The following WDFY3 variants were observed in gnomAD, a reference collection of about 807,000 sequenced individuals.
WDFY3 encodes the protein WD repeat and FYVE domain containing 3, also known as WD repeat and FYVE domain-containing protein 3.
A neutral mutation model predicts 409.6 loss-of-function variants in WDFY3; 66 were observed. The observed-to-expected ratio is 0.16, with a 90% CI of 0.13 to 0.20. The LOEUF is 0.20. Ranked by LOEUF, WDFY3 falls within the 10% of genes least tolerant of loss-of-function variation. WDFY3 has a pLI of 1.00. For synonymous variants in WDFY3, 1,521 were observed against 1,537.1 expected, an observed-to-expected ratio of 0.99 and a Z score of 0.25; for missense variants, 3,031 against 4,298.1, an observed-to-expected ratio of 0.71 and a Z score of 8.24.
chr4:84,732,851 A>G (rs2149167624), intron 44 of WDFY3, among the ~76,000 whole-genome samples: 1 of 152,310 alleles, frequency 6.6e-6, no homozygotes, highest in South Asian at 2.1e-4. Flanking sequence ...AGTACAAGAT[A>G]AATGGAGCCA....
chr4:84,880,690 T>TATAC (rs1560991086), intron 3 of WDFY3, among the ~76,000 whole-genome samples: 1 of 42,702 alleles, frequency 2.3e-5, no homozygotes, highest in Non-Finnish European at 5.2e-5. Flanking sequence ...TATATATATA[T>TATAC]ATATATATAT....
In WDFY3 at chr4:84,751,059, G is replaced by A. The variant is rs372281985; in HGVS notation, c.5973+424C>T. Among the ~76,000 whole-genome samples, 3 of 152,314 alleles carry A rather than the reference G, an allele frequency of 2.0e-5. No individual in the cohort carries two copies. The South Asian group carries it at 6.2e-4, about 32-fold the overall frequency. ...AGGGGTTGGCACACTATGGCCTGTGGGCCAAATCCAGCCTGTGCTGTTTCT... is the reference window on the plus strand; with the variant it reads ...AGGGGTTGGCACACTATGGCCTGTGAGCCAAATCCAGCCTGTGCTGTTTCT... On this transcript the variant is annotated intron_variant, in intron 36 of 67. Coordinates refer to ENST00000295888, the MANE Select transcript of WDFY3 (RefSeq NM_014991.6).
At position 84,753,826 on chromosome 4, in the gene WDFY3, G is replaced by T. The variant is rs1390531499; in HGVS notation, c.5610C>A (p.Thr1870=). The change falls in exon 35 of 68, where the codon ACC becomes ACA. Residue 1870 remains threonine (T), a synonymous_variant. Transcript: ENST00000295888. ...ACAAATATCTGAAGAACTGCATCAGGGTCACAGGATATTCTCGGAGCCAAG... is the reference window on the plus strand; with the variant it reads ...ACAAATATCTGAAGAACTGCATCAGTGTCACAGGATATTCTCGGAGCCAAG... ...EGSWLREYPV[T]LMQFFRYLYH... 17 of 1,609,058 alleles carry T rather than the reference G, an allele frequency of 1.1e-5. No homozygotes were observed. The highest frequency in any genetic ancestry group is 1.4e-5 in the Non-Finnish European group (17 of 1,178,126).
Position 84,803,475 on chromosome 4 carries a change from AAAAG to A in WDFY3, c.2430-12_2430-9del. 2 of 1,598,652 alleles carry A rather than the reference AAAAG, an allele frequency of 1.3e-6. No individual in the cohort carries two copies. Among genetic ancestry groups the A allele is most frequent in the South Asian group, 1.1e-5 (1 of 88,330 alleles). On this transcript the variant is annotated splice_polypyrimidine_tract_variant and intron_variant, in intron 15 of 67. Coordinates refer to ENST00000295888, the MANE Select transcript of WDFY3 (RefSeq NM_014991.6). The stretch of plus-strand genomic sequence containing the variant: ...ACAGAATGATATGCATGCCTATAAA[AAAAG>A]AAAGAGTAAATTTGGTATTGAATTC...
chr4:84,891,254 A>G (rs748874751), intron 3 of WDFY3, among the ~76,000 whole-genome samples: 11 of 152,196 alleles, frequency 7.2e-5, no homozygotes, highest in Non-Finnish European at 1.5e-4. Context: ...GTAAGCCACT[A>G]ATGCCATGTA....
chr4:84,940,818 A>G (rs1772017394), intron 1 of WDFY3, among the ~76,000 whole-genome samples: 1 of 152,084 alleles, frequency 6.6e-6, no homozygotes, highest in South Asian at 2.1e-4. Context: ...TAAAAGGGGT[A>G]TTACATCATG....
chr4:84,731,318 C>T (rs1736570678), intron 44 of WDFY3, among the ~76,000 whole-genome samples: 2 of 152,126 alleles, frequency 1.3e-5, no homozygotes, highest in Admixed American at 6.6e-5. Context: ...TGCCGGAATG[C>T]ACATTCCAAA....
chr4:84,904,539 T>C (rs1173395472), intron 2 of WDFY3, among the ~76,000 whole-genome samples: 2 of 152,150 alleles, frequency 1.3e-5, no homozygotes, highest in Admixed American at 1.3e-4. Context: ...TGCCAAAAAT[T>C]TTTAAAAATA....
chr4:84,753,985 G>T, intron 34 of WDFY3, 109 bp from the exon 35 acceptor site: 1 of 1,210,038 alleles, frequency 8.3e-7, no homozygotes, highest in Non-Finnish European at 1.1e-6. Context: ...TATATTGATG[G>T]TCCAGAACTC....
intron 2 of WDFY3, among the ~76,000 whole-genome samples, chr4:84,906,458 G>A (rs955498865): frequency 6.6e-6 from 1 of 152,042 alleles, no homozygotes; most frequent in East Asian, 1.9e-4. Flanking sequence ...ATGTTTATAT[G>A]CAAAATGACT....
At chr4:84,780,400 T>TA in intron 25 of WDFY3, 102 bp from the exon 26 acceptor site, 1 of 1,161,074 alleles carries the variant, frequency 8.6e-7, no homozygotes, top group South Asian at 1.9e-5. Context: ...TGTTTTATTT[T>TA]AAAAATATCT....
At chr4:84,923,249 A>G (rs748671696) in intron 2 of WDFY3, among the ~76,000 whole-genome samples, 1 of 152,226 alleles carries the variant, frequency 6.6e-6, no homozygotes, top group Non-Finnish European at 1.5e-5. Context: ...TGCCCTTCCT[A>G]TACTACAAAG....
intron 44 of WDFY3, among the ~76,000 whole-genome samples, chr4:84,728,249 C>A (rs1735989830): frequency 6.6e-6 from 1 of 152,056 alleles, no homozygotes; most frequent in Admixed American, 6.6e-5. Context: ...CAAGATAGGA[C>A]CAGGAGCGGT....
In WDFY3 at chr4:84,809,889, G is replaced by C. The variant is rs1752201405; in HGVS notation, c.2343C>G (p.Asp781Glu). The C allele has an allele frequency of 6.2e-7, 1 of 1,613,638 alleles. No individual in the cohort carries two copies. The highest frequency in any genetic ancestry group is 8.5e-7 in the Non-Finnish European group (1 of 1,179,728). Residue 781 changes from aspartate to glutamate, a missense_variant and splice_region_variant, in exon 14 of 68, where the codon GAC becomes GAG. By Grantham distance (45) the Asp-to-Glu change is conservative (BLOSUM62 2). Transcript: ENST00000295888. ...CAGAGGACAGAGCAGAGCCATACCT[G>C]TCAAAAGAATCTGTGGCTACTTTGT... ...YLYKVATDSF[D>E]SRAEQIPPCL...
At chr4:84,778,850 G>A (rs1746017616) in intron 26 of WDFY3, among the ~76,000 whole-genome samples, 195 bp from the exon 27 acceptor site, 1 of 151,754 alleles carries the variant, frequency 6.6e-6, no homozygotes, top group African/African-American at 2.4e-5. Flanking sequence ...TATAACATTA[G>A]GTAAAATCTG....
chr4:84,733,120 T>C (rs947040088), intron 44 of WDFY3, among the ~76,000 whole-genome samples: 17 of 152,280 alleles, frequency 1.1e-4, no homozygotes, highest in African/African-American at 3.8e-4. Flanking sequence ...CCAGCTATAA[T>C]AGCAAAGTGG....
chr4:84,914,315 A>T (rs912807718), intron 2 of WDFY3, among the ~76,000 whole-genome samples: 4 of 152,060 alleles, frequency 2.6e-5, no homozygotes, highest in Admixed American at 6.5e-5. Context: ...CAGCTACTCA[A>T]GAAGCTGAGG....
chr4:84,709,071 C>T (rs944964212), intron 52 of WDFY3, 43 bp from the exon 53 acceptor site: 5 of 1,606,378 alleles, frequency 3.1e-6, no homozygotes, highest in Admixed American at 3.4e-5. Context: ...TCGATTATTT[C>T]CACTATGTTC....
At chr4:84,789,415 T>C (rs1010320739) in intron 22 of WDFY3, among the ~76,000 whole-genome samples, 3 of 152,208 alleles carry the variant, frequency 2.0e-5, no homozygotes, top group African/African-American at 7.2e-5. Flanking sequence ...CCGTTATTTA[T>C]GAATCCTTCA....
Sources: gnomAD v4.1 joint callset for allele counts (sites outside exome capture counted in the v4.1 genomes callset) on GRCh38, gnomAD v4.1.1 for gene constraint, MANE v1.5 for transcripts, NCBI Gene and HGNC (gene_info 2026-07-23, HGNC 2026-07-21) for gene names.